Variants in RAET1E observed in about 807,000 individuals in gnomAD.
The protein encoded by RAET1E is retinoic acid early transcript 1E.
RAET1E carries 27 observed loss-of-function variants against 21.1 expected under a neutral mutation model. The observed-to-expected ratio is 1.28, with a 90% CI of 0.94 to 1.76. The LOEUF (loss-of-function observed/expected upper bound fraction) is 1.76, where lower values mean the gene tolerates loss of function less well. RAET1E is among the 40% of genes most tolerant of loss of function. The pLI, the probability that RAET1E is intolerant of heterozygous loss-of-function variation, is 0.00. For missense variants in RAET1E, 310 were observed against 311.3 expected (o/e 1.00, Z 0.03); for synonymous variants, 113 against 115.0 (o/e 0.98, Z 0.11).
chr6:149,889,190 A>G, intron 5 of RAET1E, 158 bp downstream of exon 5: 1 of 1,442,452 alleles, frequency 6.9e-7, no homozygotes, highest in Admixed American at 2.8e-5. Context: ...GAAAGGGAGG[A>G]TGGTGGGAAA....
At chr6:149,893,294 T>C (rs1354580862) in intron 2 of RAET1E, among the ~76,000 whole-genome samples, 7 of 152,220 alleles carry the variant, frequency 4.6e-5, no homozygotes, top group African/African-American at 1.7e-4. Context: ...CTTTGGGCAG[T>C]ATGGCCATTT....
Position 149,888,156 on chromosome 6 carries a change from A to C in RAET1E, c.*342T>G. 1.8e-6 allele frequency: 1 copy of C among 558,784 alleles called. No homozygotes were observed. Among genetic ancestry groups the C allele is most frequent in the Non-Finnish European group, 3.5e-6 (1 of 289,572 alleles). The allele number at this position is 558,784 out of a possible 1,614,324, so 34.6% of individuals were successfully genotyped here. ...GCTGCAGCCACAAGCGCCACCAGCA[A>C]GTCTTCTCAGGGTGAACGGGAAAAG... is the stretch of plus-strand genomic sequence containing the variant. On this transcript the variant is annotated 3_prime_UTR_variant, in exon 6 of 6. Coordinates refer to ENST00000357183, the MANE Select transcript of RAET1E (RefSeq NM_001394057.1).
Position 149,890,888 on chromosome 6 carries a change from G to T in RAET1E, c.14C>A (p.Ser5Tyr), listed in dbSNP as rs1250671868. ...AAGGCGCACAGGGCTAGAAGTCAGG[G>T]ATATTCTTCGCATACTGTGGAGAGT... MRRI[S>Y]LTSSPVRLLL... Residue 5 changes from serine to tyrosine, a missense_variant, in exon 3 of 6, where the codon TCC becomes TAC. Ser to Tyr is a moderately radical substitution (Grantham distance 144). Coordinates refer to ENST00000357183, the MANE Select transcript of RAET1E (RefSeq NM_001394057.1). 6.2e-7 allele frequency: 1 copy of T among 1,611,858 alleles called. No homozygotes were observed. Among genetic ancestry groups the T allele is most frequent in the Non-Finnish European group, 8.5e-7 (1 of 1,178,142 alleles).
rs191956816 is a variant in RAET1E, at chr6:149,897,526, T to C, written c.-321+495A>G. 6.7e-3 allele frequency among the ~76,000 whole-genome samples: 1,016 copies of C among 152,282 alleles called. 3 individuals carry two copies. The highest frequency in any genetic ancestry group is 0.011 in the Non-Finnish European group (759 of 68,012). ...GAGTCACAGCCTTTTTGTGGCAGTG[T>C]GCCCTGGGCTTCTAACCGTCCTCTC... On this transcript the variant is annotated intron_variant, in intron 1 of 5. Coordinates refer to ENST00000357183, the MANE Select transcript of RAET1E (RefSeq NM_001394057.1).
intron 1 of RAET1E, among the ~76,000 whole-genome samples, chr6:149,897,330 C>T (rs1188486012): frequency 2.6e-5 from 4 of 152,120 alleles, no homozygotes; most frequent in Admixed American, 6.5e-5. Flanking sequence ...CCACCACACC[C>T]GGCTGAAATG....
rs920136300 is a variant in RAET1E, at chr6:149,889,490, A to C, written c.480T>G (p.Ile160Met). 7 of 1,614,178 alleles carry C rather than the reference A, an allele frequency of 4.3e-6. No individual in the cohort carries two copies. The highest frequency in any genetic ancestry group is 1.1e-5 in the South Asian group (1 of 91,086). The change falls in exon 5 of 6, where the codon ATT (isoleucine) becomes ATG (methionine). Residue 160 changes from isoleucine to methionine, a missense_variant. Transcript: ENST00000357183. ...FDAMNMTWTV[I>M]NHEASKIKET... ...CCTTGATCTTACTGGCTTCATGATT[A>C]ATTACTGTCCAGGTCATGTTCATTG...
At chr6:149,889,827 T>C in intron 4 of RAET1E, 58 bp downstream of exon 4, 1 of 1,580,818 alleles carries the variant, frequency 6.3e-7, no homozygotes, top group Non-Finnish European at 8.6e-7. Flanking sequence ...CCCATCTGTG[T>C]TCTTCCCTCC....
Position 149,886,191 on chromosome 6 carries a change from T to C in RAET1E, c.*2307A>G, listed in dbSNP as rs1422546097. Among the ~76,000 whole-genome samples, 10 of 152,254 alleles carry C rather than the reference T, an allele frequency of 6.6e-5. No individual in the cohort carries two copies. Among genetic ancestry groups the C allele is most frequent in the Admixed American group, 3.9e-4 (6 of 15,288 alleles). The stretch of plus-strand genomic sequence containing the variant: ...TGATAGATTTTGATATTTTGTATTA[T>C]CATTTTCATTCATTTCAAAATACTT... On this transcript the variant is annotated 3_prime_UTR_variant, in exon 6 of 6. Coordinates refer to ENST00000357183, the MANE Select transcript of RAET1E (RefSeq NM_001394057.1).
chr6:149,892,556 T>G (rs548718176), intron 2 of RAET1E, among the ~76,000 whole-genome samples: 40 of 151,900 alleles, frequency 2.6e-4, no homozygotes, highest in African/African-American at 9.4e-4. Flanking sequence ...GATGGGGTTG[T>G]TTTTTTTCTA....
Position 149,888,627 on chromosome 6 carries a change from A to G in RAET1E, c.663T>C (p.Ser221=). The stretch of plus-strand genomic sequence containing the variant: ...GGATGATCCATCTATCTGGTAGACT[A>G]GAAGAAGACCAGTGGATATCTGAAG... ...VNASDIHWSS[S]SLPDRWIILG... is the part of the protein sequence containing the mutation. The change falls in exon 6 of 6, where the codon TCT becomes TCC. Residue 221 remains serine, a synonymous_variant. Transcript: ENST00000357183. 1.9e-6 allele frequency: 3 copies of G among 1,612,592 alleles called. No individual in the cohort carries two copies. Among genetic ancestry groups the G allele is most frequent in the Non-Finnish European group, 1.7e-6 (2 of 1,179,650 alleles).
Position 149,884,475 on chromosome 6 carries a change from C to A in RAET1E, c.*4023G>T, listed in dbSNP as rs930241240. 1.2e-5 allele frequency: 19 copies of A among 1,535,658 alleles called. No individual in the cohort carries two copies. In the Admixed American group the frequency reaches 3.1e-4, roughly 25 times the overall value. Reference sequence around the variant, plus strand: ...CCACAGGTGAACAACTCTGCGCCGCCGTGGTATCACCTCTAGGTGGATCTT... The same window carrying A: ...CCACAGGTGAACAACTCTGCGCCGCAGTGGTATCACCTCTAGGTGGATCTT... On this transcript the variant is annotated 3_prime_UTR_variant, in exon 6 of 6. Coordinates refer to ENST00000357183, the MANE Select transcript of RAET1E (RefSeq NM_001394057.1).
chr6:149,886,480 C>T lies in RAET1E; in HGVS notation c.*2018G>A, dbSNP rs149692800. Reference sequence around the variant, plus strand: ...CGCAATATCAGCTCACTGCAAACTCCGCCTCCTGAGTTCAAGCGATTCTCC... The same window carrying T: ...CGCAATATCAGCTCACTGCAAACTCTGCCTCCTGAGTTCAAGCGATTCTCC... On this transcript the variant is annotated 3_prime_UTR_variant, in exon 6 of 6. Coordinates refer to ENST00000357183, the MANE Select transcript of RAET1E (RefSeq NM_001394057.1). Among the ~76,000 whole-genome samples the T allele has an allele frequency of 1.6e-3, 243 of 152,330 alleles. 1 individual carries two copies. The highest frequency in any genetic ancestry group is 5.6e-3 in the African/African-American group (233 of 41,566).
intron 2 of RAET1E, among the ~76,000 whole-genome samples, chr6:149,895,058 AC>A (rs1280706593): frequency 6.6e-6 from 1 of 151,916 alleles, no homozygotes; most frequent in Non-Finnish European, 1.5e-5. Flanking sequence ...TCCACTCCCA[AC>A]CCTGTTTACC....
chr6:149,890,910 G>A lies in RAET1E; in HGVS notation c.-9C>T. ...AGGGATATTCTTCGCATACTGTGGA[G>A]AGTAACAGGCAGGAAGCTGGGCGTG... On this transcript the variant is annotated 5_prime_UTR_variant, in exon 3 of 6. Transcript: ENST00000357183. 6.3e-7 allele frequency: 1 copy of A among 1,597,228 alleles called. No homozygotes were observed. The highest frequency in any genetic ancestry group is 8.6e-7 in the Non-Finnish European group (1 of 1,165,410).
In RAET1E at chr6:149,889,688, C is replaced by A; in HGVS notation, c.347-65G>T. ...AGAAGTCCATCATCCTCCAATAGGT[C>A]AAGTGTTTCTCTGCACATTTAGGGG... On this transcript the variant is annotated intron_variant, in intron 4 of 5. Coordinates refer to ENST00000357183, the MANE Select transcript of RAET1E (RefSeq NM_001394057.1). The A allele has an allele frequency of 1.9e-6, 3 of 1,575,220 alleles. No homozygotes were observed. The South Asian group carries it at 3.5e-5, about 18-fold the overall frequency.
At position 149,886,989 on chromosome 6, in the gene RAET1E, T is replaced by C. The variant is rs1415030676; in HGVS notation, c.*1509A>G. On this transcript the variant is annotated 3_prime_UTR_variant, in exon 6 of 6. Transcript: ENST00000357183. ...GGTGGCAGATATATTTTTTTCCCCT[T>C]GAATTGTAATACACCTTTCCCCAGG... is the stretch of plus-strand genomic sequence containing the variant. 1.3e-5 allele frequency among the ~76,000 whole-genome samples: 2 copies of C among 152,124 alleles called. No homozygotes were observed. Among genetic ancestry groups the C allele is most frequent in the African/African-American group, 2.4e-5 (1 of 41,444 alleles).
chr6:149,894,572 A>G (rs1381732657), intron 2 of RAET1E, among the ~76,000 whole-genome samples: 2 of 151,904 alleles, frequency 1.3e-5, no homozygotes, highest in African/African-American at 4.8e-5. Flanking sequence ...TGATTTGGCT[A>G]TTGATACTTG....
chr6:149,891,626 C>A (rs1455043727), intron 2 of RAET1E, among the ~76,000 whole-genome samples: 1 of 152,096 alleles, frequency 6.6e-6, no homozygotes. Context: ...GTGGCTCATG[C>A]CTATAATCCC....
chr6:149,888,834 T>C (rs1412234518), intron 5 of RAET1E, among the ~76,000 whole-genome samples, 167 bp from the exon 6 acceptor site: 11 of 152,042 alleles, frequency 7.2e-5, no homozygotes, highest in Admixed American at 5.9e-4. Context: ...GCCATGAAGA[T>C]GAATAGGGGT....
Sources: allele counts gnomAD v4.1 joint callset (sites outside exome capture counted in the v4.1 genomes callset), GRCh38; gene constraint gnomAD v4.1.1; transcripts MANE v1.5; gene names NCBI Gene and HGNC (gene_info 2026-07-23, HGNC 2026-07-21).